Variants in FHIT observed in about 807,000 individuals in gnomAD.
The protein encoded by FHIT is bis(5'-adenosyl)-triphosphatase.
Under a neutral mutation model 17.9 loss-of-function variants are expected in FHIT, and 19 were observed. The observed-to-expected ratio is 1.06, with a 90% CI of 0.74 to 1.56. FHIT has a LOEUF of 1.56. Ranked by LOEUF, FHIT falls within the 40% of genes most tolerant of loss-of-function variation. The pLI is 0.00. For synonymous variants in FHIT, 81 were observed against 69.7 expected, an observed-to-expected ratio of 1.16 and a Z score of -0.81; for missense variants, 248 against 189.2, an observed-to-expected ratio of 1.31 and a Z score of -1.82.
intron 3 of FHIT, among the ~76,000 whole-genome samples, chr3:60,937,495 G>A (rs2107396528): frequency 6.6e-6 from 1 of 151,048 alleles, no homozygotes; most frequent in East Asian, 2.0e-4. Flanking sequence ...AAATATGTGA[G>A]CTCACAGAAT....
intron 8 of FHIT, among the ~76,000 whole-genome samples, chr3:59,844,975 C>G (rs1490196963): frequency 6.6e-6 from 1 of 152,116 alleles, no homozygotes; most frequent in African/African-American, 2.4e-5. Flanking sequence ...AATCTCCTTA[C>G]TAGTTTTAGG....
intron 2 of FHIT, among the ~76,000 whole-genome samples, chr3:61,146,385 C>T (rs2037227105): frequency 6.6e-6 from 1 of 152,052 alleles, no homozygotes; most frequent in Admixed American, 6.5e-5. Context: ...GGGTTTAGTG[C>T]ACAATATGGT....
At chr3:60,687,979 T>C (rs75244498) in intron 4 of FHIT, among the ~76,000 whole-genome samples, 1 of 152,136 alleles carries the variant, frequency 6.6e-6, no homozygotes, top group South Asian at 2.1e-4. Context: ...CTTTTTTTTT[T>C]AATTTCGCTT....
intron 5 of FHIT, among the ~76,000 whole-genome samples, chr3:60,376,035 A>G (rs907981661): frequency 6.6e-6 from 1 of 152,212 alleles, no homozygotes; most frequent in African/African-American, 2.4e-5. Context: ...TCCATGCAGA[A>G]GCAGAAGAAG....
chr3:59,977,069 T>G (rs562909199), intron 7 of FHIT, among the ~76,000 whole-genome samples: 1 of 152,060 alleles, frequency 6.6e-6, no homozygotes, highest in African/African-American at 2.4e-5. Flanking sequence ...CTTTTATCCA[T>G]AGAGCTTGGA....
intron 3 of FHIT, among the ~76,000 whole-genome samples, chr3:60,907,668 T>C (rs1234092229): frequency 6.6e-6 from 1 of 152,146 alleles, no homozygotes; most frequent in African/African-American, 2.4e-5. Flanking sequence ...AAATGATTTT[T>C]TAAAGTATAA....
intron 8 of FHIT, among the ~76,000 whole-genome samples, chr3:59,912,104 A>G (rs553706954): frequency 6.6e-6 from 1 of 152,338 alleles, no homozygotes; most frequent in South Asian, 2.1e-4. Flanking sequence ...ATGGAGATAA[A>G]TGTACCTTAA....
intron 1 of FHIT, among the ~76,000 whole-genome samples, chr3:61,239,873 A>G (rs373574356): frequency 6.6e-6 from 1 of 151,500 alleles, no homozygotes; most frequent in African/African-American, 2.4e-5. Context: ...TTTTATTTCA[A>G]GTGTAGCCCA....
chr3:60,520,387 C>G (rs563274888), intron 5 of FHIT, among the ~76,000 whole-genome samples: 6 of 152,046 alleles, frequency 3.9e-5, no homozygotes, highest in Non-Finnish European at 8.8e-5. Flanking sequence ...TCAGTAGTAT[C>G]AGAACTACAT....
intron 5 of FHIT, among the ~76,000 whole-genome samples, chr3:60,506,844 A>C (rs1267560650): frequency 6.6e-6 from 1 of 152,092 alleles, no homozygotes; most frequent in East Asian, 1.9e-4. Flanking sequence ...TGTGAACAAG[A>C]ATGAATGATG....
chr3:59,936,345 A>T (rs1274237116), intron 7 of FHIT, among the ~76,000 whole-genome samples: 1 of 152,176 alleles, frequency 6.6e-6, no homozygotes, highest in Non-Finnish European at 1.5e-5. Context: ...TGTTGGGTAC[A>T]CAAAAAAGGA....
chr3:60,895,130 T>C lies in FHIT; in HGVS notation c.-110-73119A>G, dbSNP rs144292811. ...TGAAGCTGGAATACTTTCTCAGCCT[T>C]CCTTTGCCCATCATGTCATTAACAT... On this transcript the variant is annotated intron_variant, in intron 3 of 9. Transcript: ENST00000492590. Among the ~76,000 whole-genome samples, 677 of 152,326 alleles carry C rather than the reference T, an allele frequency of 4.4e-3. 5 individuals are homozygous for C. Among genetic ancestry groups the C allele is most frequent in the African/African-American group, 0.014 (587 of 41,574 alleles).
At chr3:59,846,921 C>G (rs975216638) in intron 8 of FHIT, among the ~76,000 whole-genome samples, 1 of 152,032 alleles carries the variant, frequency 6.6e-6, no homozygotes, top group Admixed American at 6.6e-5. Context: ...GCCTGTAAAG[C>G]TTCTAATGAA....
chr3:60,250,665 A>C (rs1384861122), intron 5 of FHIT, among the ~76,000 whole-genome samples: 1 of 152,114 alleles, frequency 6.6e-6, no homozygotes, highest in African/African-American at 2.4e-5. Flanking sequence ...TTCTGGAGGA[A>C]CCTGTTGTAA....
chr3:61,096,613 G>C (rs1282631526), intron 2 of FHIT, among the ~76,000 whole-genome samples: 8 of 152,180 alleles, frequency 5.3e-5, no homozygotes, highest in Non-Finnish European at 1.0e-4. Context: ...TTCCTGTGGA[G>C]GAAGCCTGGG....
intron 8 of FHIT, among the ~76,000 whole-genome samples, chr3:59,808,757 G>T (rs1169585824): frequency 6.6e-6 from 1 of 152,102 alleles, no homozygotes; most frequent in Non-Finnish European, 1.5e-5. Context: ...GGCCCAATAG[G>T]CTCGGGGATA....
At chr3:60,264,906 T>G (rs372456850) in intron 5 of FHIT, among the ~76,000 whole-genome samples, 1 of 152,024 alleles carries the variant, frequency 6.6e-6, no homozygotes, top group African/African-American at 2.4e-5. Context: ...CCTGAAATTT[T>G]AATACCACAG....
intron 5 of FHIT, among the ~76,000 whole-genome samples, chr3:60,148,525 C>A (rs1447853442): frequency 6.6e-6 from 1 of 152,126 alleles, no homozygotes; most frequent in South Asian, 2.1e-4. Flanking sequence ...TTGGTAACAT[C>A]TTTTATTTAA....
At chr3:60,611,383 C>G (rs1463055741) in intron 4 of FHIT, among the ~76,000 whole-genome samples, 1 of 152,232 alleles carries the variant, frequency 6.6e-6, no homozygotes, top group East Asian at 1.9e-4. Flanking sequence ...GCCTAGTGTT[C>G]CATTATAGGA....
Sources: allele counts gnomAD v4.1 joint callset (sites outside exome capture counted in the v4.1 genomes callset), GRCh38; gene constraint gnomAD v4.1.1; transcripts MANE v1.5; gene names NCBI Gene and HGNC (gene_info 2026-07-23, HGNC 2026-07-21).